The following COX7B2 variants were observed in gnomAD, a reference collection of about 807,000 sequenced individuals.
COX7B2 encodes cytochrome c oxidase subunit 7B2, mitochondrial.
For synonymous variants in COX7B2, 37 were observed against 32.1 expected (o/e 1.15, Z -0.51); for missense variants, 109 against 95.9 (o/e 1.14, Z -0.57).
chr4:46,808,189 C>T (rs1427471879), intron 2 of COX7B2, among the ~76,000 whole-genome samples: 1 of 151,820 alleles, frequency 6.6e-6, no homozygotes, highest in East Asian at 1.9e-4. Flanking sequence ...TGTGTCTTTT[C>T]AATCTCTTTC....
rs542136145 is a variant in COX7B2 at position 46,789,203 on chromosome 4, T to A, written c.-49-53962A>T. On this transcript the variant is annotated intron_variant, in intron 2 of 2. Coordinates refer to ENST00000355591, the MANE Select transcript of COX7B2 (RefSeq NM_130902.3). Reference sequence around the variant, plus strand: ...GCTAGTGTATAGATTATCAAGGCTATTTTACTCGTGTTCTCCAGTTGCTTC... The same window carrying A: ...GCTAGTGTATAGATTATCAAGGCTAATTTACTCGTGTTCTCCAGTTGCTTC... Among the ~76,000 whole-genome samples, 26 of 152,284 alleles carry A rather than the reference T, an allele frequency of 1.7e-4. No homozygotes were observed. In the South Asian group the frequency reaches 5.0e-3, roughly 29 times the overall value.
intron 1 of COX7B2, among the ~76,000 whole-genome samples, chr4:46,898,614 G>A (rs1410092927): frequency 2.0e-5 from 3 of 151,774 alleles, no homozygotes; most frequent in Non-Finnish European, 2.9e-5. Flanking sequence ...TTGTAGAGGC[G>A]GGGTCTTGCT....
chr4:46,885,668 A>G (rs1188847822), intron 1 of COX7B2, among the ~76,000 whole-genome samples: 2 of 152,168 alleles, frequency 1.3e-5, no homozygotes, highest in African/African-American at 4.8e-5. Context: ...TCTAGATTAA[A>G]AGCATCAAAA....
At chr4:46,896,354 A>G (rs1719761074) in intron 1 of COX7B2, among the ~76,000 whole-genome samples, 1 of 152,224 alleles carries the variant, frequency 6.6e-6, no homozygotes, top group Admixed American at 6.5e-5. Flanking sequence ...TGTAGCAGTT[A>G]TGCTATTGGT....
At chr4:46,812,343 G>A (rs1003304549) in intron 2 of COX7B2, among the ~76,000 whole-genome samples, 3 of 149,314 alleles carry the variant, frequency 2.0e-5, no homozygotes, top group Non-Finnish European at 4.4e-5. Context: ...GACCCTGGGA[G>A]GCACCAGCAT....
intron 2 of COX7B2, among the ~76,000 whole-genome samples, chr4:46,823,687 T>C (rs1036751024): frequency 2.6e-5 from 4 of 151,436 alleles, no homozygotes; most frequent in African/African-American, 9.7e-5. Flanking sequence ...CAAATTACCT[T>C]ACAAAAATTG....
At chr4:46,817,071 A>G (rs553207302) in intron 2 of COX7B2, among the ~76,000 whole-genome samples, 1 of 152,324 alleles carries the variant, frequency 6.6e-6, no homozygotes, top group African/African-American at 2.4e-5. Context: ...ATACAAGAAA[A>G]AAGAGGATAG....
rs528003112 is a variant in COX7B2, at chr4:46,831,321, C to G, written c.-50+13639G>C. ...CAGCCTGCCATGCCTGAGTGCCCCC[C>G]CAACCTCCCACCCCGCCATGGGCTC... On this transcript the variant is annotated intron_variant, in intron 2 of 2. Coordinates refer to ENST00000355591, the MANE Select transcript of COX7B2 (RefSeq NM_130902.3). 1.7e-3 allele frequency among the ~76,000 whole-genome samples: 258 copies of G among 152,300 alleles called. 1 individual carries two copies. The highest frequency in any genetic ancestry group is 4.7e-3 in the African/African-American group (195 of 41,580).
chr4:46,770,130 TA>T (rs1716787416), intron 2 of COX7B2, among the ~76,000 whole-genome samples: 1 of 152,116 alleles, frequency 6.6e-6, no homozygotes, highest in African/African-American at 2.4e-5. Context: ...CTGCTAGAAA[TA>T]ATAAATAAAT....
intron 1 of COX7B2, among the ~76,000 whole-genome samples, chr4:46,860,355 G>A (rs1452386095): frequency 6.6e-6 from 1 of 152,162 alleles, no homozygotes; most frequent in African/African-American, 2.4e-5. Context: ...GCAGCAGATT[G>A]AGCTGATGGG....
At chr4:46,885,292 C>A (rs1046095685) in intron 1 of COX7B2, among the ~76,000 whole-genome samples, 4 of 152,114 alleles carry the variant, frequency 2.6e-5, no homozygotes, top group African/African-American at 9.6e-5. Context: ...GAAAATAAAA[C>A]ACGCATATAA....
intron 2 of COX7B2, among the ~76,000 whole-genome samples, chr4:46,772,343 T>C (rs1031332648): frequency 3.3e-4 from 51 of 152,258 alleles, no homozygotes; most frequent in African/African-American, 1.1e-3. Context: ...ATCAGTAGAT[T>C]GAATAAGTTC....
At chr4:46,754,716 G>GTATATATATA (rs1327856395) in intron 2 of COX7B2, among the ~76,000 whole-genome samples, 75 of 21,782 alleles carry the variant, frequency 3.4e-3, no homozygotes, top group African/African-American at 0.018. Context: ...GTGTGTGTGT[G>GTATATATATA]TGTGTGTGTG....
intron 2 of COX7B2, among the ~76,000 whole-genome samples, chr4:46,766,705 A>G (rs1042715245): frequency 1.0e-4 from 14 of 137,032 alleles, no homozygotes. Flanking sequence ...CGTCTCGAAA[A>G]GAAAAAAAAA....
intron 1 of COX7B2, among the ~76,000 whole-genome samples, chr4:46,855,116 T>C (rs1372403556): frequency 6.6e-6 from 1 of 151,986 alleles, no homozygotes; most frequent in East Asian, 1.9e-4. Flanking sequence ...TCACCTGAGG[T>C]CAGGAGTTCG....
intron 2 of COX7B2, among the ~76,000 whole-genome samples, chr4:46,783,964 G>C (rs897258650): frequency 1.3e-5 from 2 of 152,174 alleles, no homozygotes; most frequent in Non-Finnish European, 2.9e-5. Context: ...TTTGGCAGAT[G>C]ACATGATTGG....
At chr4:46,816,633 ATTATTTAATGTCATT>A (rs887751042) in intron 2 of COX7B2, among the ~76,000 whole-genome samples, 3 of 152,204 alleles carry the variant, frequency 2.0e-5, no homozygotes, top group African/African-American at 7.2e-5. Flanking sequence ...TGCTGAAAAT[ATTATTTAATGTCATT>A]TTTTTTGCAT....
At chr4:46,865,371 GTTGGT>G (rs773593970) in intron 1 of COX7B2, among the ~76,000 whole-genome samples, 1 of 152,128 alleles carries the variant, frequency 6.6e-6, no homozygotes, top group Non-Finnish European at 1.5e-5. Context: ...TGGCACTTAG[GTTGGT>G]TCCACATCTT....
intron 2 of COX7B2, among the ~76,000 whole-genome samples, chr4:46,780,425 G>A (rs564247482): frequency 6.6e-6 from 1 of 152,310 alleles, no homozygotes; most frequent in East Asian, 1.9e-4. Context: ...GCTGAGGCAG[G>A]AGAATGGCAT....
Sources: gnomAD v4.1 joint callset for allele counts (sites outside exome capture counted in the v4.1 genomes callset) on GRCh38, gnomAD v4.1.1 for gene constraint, MANE v1.5 for transcripts, NCBI Gene and HGNC (gene_info 2026-07-23, HGNC 2026-07-21) for gene names.